Variants in NRXN1 observed in about 807,000 individuals in gnomAD.
The protein encoded by NRXN1 is neurexin-1.
Under a neutral mutation model 150.9 loss-of-function variants are expected in NRXN1, and 39 were observed. The ratio of observed to expected loss-of-function variants is 0.26; its 90% CI spans 0.20 to 0.34. NRXN1 has a LOEUF of 0.34. Among genes scored for constraint, NRXN1 ranks in the 10% least tolerant of loss-of-function variants. The pLI, the probability that NRXN1 is intolerant of heterozygous loss-of-function variation, is 1.00. For missense variants in NRXN1, 1,815 were observed against 1,949.9 expected, an observed-to-expected ratio of 0.93 and a Z score of 1.30; for synonymous variants, 924 against 757.0, an observed-to-expected ratio of 1.22 and a Z score of -3.62.
chr2:50,817,205 G>A (rs1207143174), intron 5 of NRXN1, among the ~76,000 whole-genome samples: 1 of 151,986 alleles, frequency 6.6e-6, no homozygotes, highest in Non-Finnish European at 1.5e-5. Flanking sequence ...GTGACTTTGA[G>A]GGGATTAAAA....
At chr2:50,138,782 A>C (rs1338516119) in intron 18 of NRXN1, among the ~76,000 whole-genome samples, 2 of 152,100 alleles carry the variant, frequency 1.3e-5, no homozygotes, top group East Asian at 3.8e-4. Flanking sequence ...CATTCCTCAC[A>C]CTCAAAAGGT....
At chr2:50,653,153 G>A (rs1325299236) in intron 5 of NRXN1, among the ~76,000 whole-genome samples, 1 of 151,962 alleles carries the variant, frequency 6.6e-6, no homozygotes, top group Non-Finnish European at 1.5e-5. Flanking sequence ...TCTCCATGAA[G>A]TTACTGATAC....
At chr2:50,326,364 T>G (rs1466626571) in intron 17 of NRXN1, among the ~76,000 whole-genome samples, 1 of 152,250 alleles carries the variant, frequency 6.6e-6, no homozygotes, top group African/African-American at 2.4e-5. Context: ...GAAATTATTA[T>G]TTTGTACTTG....
chr2:50,563,058 A>T (rs949199387), intron 8 of NRXN1, among the ~76,000 whole-genome samples: 4 of 151,878 alleles, frequency 2.6e-5, no homozygotes, highest in Non-Finnish European at 5.9e-5. Flanking sequence ...TCACTTCAAT[A>T]AAAAAAAGCA....
At chr2:50,288,696 T>A (rs1477584295) in intron 17 of NRXN1, among the ~76,000 whole-genome samples, 1 of 152,064 alleles carries the variant, frequency 6.6e-6, no homozygotes, top group Non-Finnish European at 1.5e-5. Flanking sequence ...CTCATGAGAC[T>A]TATTCACTAT....
intron 2 of NRXN1, among the ~76,000 whole-genome samples, chr2:51,001,466 G>A (rs1700070334): frequency 6.6e-6 from 1 of 151,800 alleles, no homozygotes; most frequent in Non-Finnish European, 1.5e-5. Context: ...TTAAAAAAAA[G>A]ATCCACACAT....
Position 50,578,715 on chromosome 2 carries a change from A to T in NRXN1, c.1321-25690T>A, listed in dbSNP as rs561674698. On this transcript the variant is annotated intron_variant, in intron 8 of 22. Coordinates refer to ENST00000401669, the MANE Select transcript of NRXN1 (RefSeq NM_001330078.2). Reference sequence around the variant, plus strand: ...TTAACAGTGTATGTTATAATAAATTAAAAAAAATGCTAAAGCTTTTTAATT... The same window carrying T: ...TTAACAGTGTATGTTATAATAAATTTAAAAAAATGCTAAAGCTTTTTAATT... Among the ~76,000 whole-genome samples the T allele has an allele frequency of 1.1e-3, 165 of 152,096 alleles. 1 individual carries two copies. Among genetic ancestry groups the T allele is most frequent in the African/African-American group, 2.9e-3 (122 of 41,498 alleles).
At chr2:50,547,639 A>G (rs2105315627) in intron 9 of NRXN1, 1 of 152,308 alleles carries the variant, frequency 6.6e-6, no homozygotes, top group Non-Finnish European at 1.5e-5. Context: ...AAGTCCACTG[A>G]CTTAGGGGTT....
chr2:50,812,818 G>A (rs941035243), intron 5 of NRXN1, among the ~76,000 whole-genome samples: 3 of 150,536 alleles, frequency 2.0e-5, no homozygotes, highest in African/African-American at 4.9e-5. Flanking sequence ...AAAAGAAAAG[G>A]AAAAGTTAAA....
At chr2:50,066,392 T>A (rs1304281955) in intron 19 of NRXN1, among the ~76,000 whole-genome samples, 1 of 152,160 alleles carries the variant, frequency 6.6e-6, no homozygotes, top group Non-Finnish European at 1.5e-5. Flanking sequence ...TTAACCACCA[T>A]GTGAAGTGTA....
chr2:50,008,358 T>A (rs1177590591), intron 21 of NRXN1, among the ~76,000 whole-genome samples: 1 of 152,210 alleles, frequency 6.6e-6, no homozygotes, highest in East Asian at 1.9e-4. Flanking sequence ...CTTTACTGTT[T>A]AGATGTGGAA....
chr2:49,995,061 ATT>A (rs892094935), intron 21 of NRXN1, among the ~76,000 whole-genome samples: 2 of 152,204 alleles, frequency 1.3e-5, no homozygotes, highest in Non-Finnish European at 2.9e-5. Flanking sequence ...GAAAATAATC[ATT>A]CTCTCCAACC....
At chr2:50,462,244 T>C (rs1164389994) in intron 17 of NRXN1, among the ~76,000 whole-genome samples, 1 of 151,826 alleles carries the variant, frequency 6.6e-6, no homozygotes, top group African/African-American at 2.4e-5. Flanking sequence ...TAGAGTCTTA[T>C]AGGGAGGTAA....
At chr2:50,952,734 C>T (rs1172448884) in intron 2 of NRXN1, among the ~76,000 whole-genome samples, 1 of 152,196 alleles carries the variant, frequency 6.6e-6, no homozygotes, top group Non-Finnish European at 1.5e-5. Flanking sequence ...TGCAATTTGG[C>T]AGCAAATCAC....
intron 17 of NRXN1, among the ~76,000 whole-genome samples, chr2:50,395,074 C>T (rs535596437): frequency 6.6e-6 from 1 of 151,986 alleles, no homozygotes; most frequent in South Asian, 2.1e-4. Flanking sequence ...CCCTGCTATG[C>T]TTTTCTTCAT....
chr2:50,135,441 C>T (rs987783915), intron 18 of NRXN1, among the ~76,000 whole-genome samples: 15 of 151,514 alleles, frequency 9.9e-5, no homozygotes, highest in African/African-American at 3.2e-4. Flanking sequence ...GCCTGTAATC[C>T]CAGCACTTTG....
chr2:51,011,810 C>G (rs1383397823), intron 2 of NRXN1, among the ~76,000 whole-genome samples: 1 of 151,914 alleles, frequency 6.6e-6, no homozygotes, highest in Admixed American at 6.6e-5. Flanking sequence ...AAGGATCACT[C>G]CAGTAGTAGA....
At chr2:50,523,066 C>A (rs1262148069) in intron 12 of NRXN1, among the ~76,000 whole-genome samples, 1 of 151,954 alleles carries the variant, frequency 6.6e-6, no homozygotes, top group Admixed American at 6.6e-5. Context: ...AGACTCATTG[C>A]CATGTGCCAA....
At chr2:50,951,870 T>G (rs1332149508) in intron 2 of NRXN1, among the ~76,000 whole-genome samples, 1 of 149,846 alleles carries the variant, frequency 6.7e-6, no homozygotes, top group East Asian at 1.9e-4. Flanking sequence ...TTATATAATC[T>G]ATGTTATCTA....
Sources: gnomAD v4.1 joint callset for allele counts (sites outside exome capture counted in the v4.1 genomes callset) on GRCh38, gnomAD v4.1.1 for gene constraint, MANE v1.5 for transcripts, NCBI Gene and HGNC (gene_info 2026-07-23, HGNC 2026-07-21) for gene names.